The following SLC23A1 variants were observed in gnomAD, a reference collection of about 807,000 sequenced individuals.
SLC23A1 encodes solute carrier family 23 member 1, also known as Na(+)/L-ascorbic acid transporter 1.
Under a neutral mutation model 62.5 loss-of-function variants are expected in SLC23A1, and 31 were observed. The observed-to-expected ratio is 0.50, with a 90% CI of 0.37 to 0.67. The LOEUF (loss-of-function observed/expected upper bound fraction) is 0.67. SLC23A1 is among the 30% of genes least tolerant of loss of function. The probability of loss-of-function intolerance (pLI) is 0.00; values close to 1 mark genes in which losing one functional copy is unlikely to be tolerated. For missense variants in SLC23A1, 640 were observed against 782.7 expected (o/e 0.82, Z 2.18); for synonymous variants, 271 against 313.2 (o/e 0.87, Z 1.42).
intron 1 of SLC23A1, among the ~76,000 whole-genome samples, chr5:139,383,010 C>A (rs1758355811): frequency 6.6e-6 from 1 of 152,192 alleles, no homozygotes; most frequent in Non-Finnish European, 1.5e-5. Context: ...CTCCTGAACC[C>A]CAACCTGGAG....
At chr5:139,382,181 C>T (rs1227673493) in intron 2 of SLC23A1, 132 bp from the exon 3 acceptor site, 2 of 849,582 alleles carry the variant, frequency 2.4e-6, no homozygotes, top group African/African-American at 1.7e-5. Flanking sequence ...GCAGTCCCCA[C>T]AAGGGATTCC....
At position 139,369,884 on chromosome 5, in the gene SLC23A1, C is replaced by T. The variant is rs571374416; in HGVS notation, c.*19+2103G>A. On this transcript the variant is annotated intron_variant, in intron 14 of 14. Coordinates refer to ENST00000348729, the MANE Select transcript of SLC23A1 (RefSeq NM_005847.5). Reference sequence around the variant, plus strand: ...ATGCAAGTACCTTTCCAGAATATAGCAGTAGAATAACTCCATTGCCCATCC... The same window carrying T: ...ATGCAAGTACCTTTCCAGAATATAGTAGTAGAATAACTCCATTGCCCATCC... Among the ~76,000 whole-genome samples the T allele has an allele frequency of 5.9e-4, 90 of 152,222 alleles. No homozygotes were observed. In the Middle Eastern group the frequency reaches 0.01, roughly 17 times the overall value.
chr5:139,383,529 AG>A (rs1758392201), upstream of SLC23A1, among the ~76,000 whole-genome samples: 1 of 152,186 alleles, frequency 6.6e-6, no homozygotes, highest in Non-Finnish European at 1.5e-5. Context: ...AGAGAGGGCC[AG>A]AGTCGAGGGG....
Position 139,378,451 on chromosome 5 carries a change from T to TGGGGCTTGATGCG in SLC23A1, c.1180-113_1180-101dup. Reference sequence around the variant, plus strand: ...TTATAAGAGCGAGGCATAAACCGGCTGGGGCTTGATGCGGGGGCGAGGCCT... The same window carrying TGGGGCTTGATGCG: ...TTATAAGAGCGAGGCATAAACCGGCTGGGGCTTGATGCGGGGGCTTGATGCGGGGGCGAGGCCT... On this transcript the variant is annotated intron_variant, in intron 10 of 14. Coordinates refer to ENST00000348729, the MANE Select transcript of SLC23A1 (RefSeq NM_005847.5). This position sits in a 1 kb window ranked among gnomAD's most constrained non-coding sequence, Gnocchi z 4.5. The TGGGGCTTGATGCG allele has an allele frequency of 6.8e-7, 1 of 1,469,746 alleles. No homozygotes were observed. The highest frequency in any genetic ancestry group is 9.2e-7 in the Non-Finnish European group (1 of 1,082,456). 91.0% of individuals were successfully genotyped at this position (1,469,746 alleles called of 1,614,324 possible). A position where few individuals can be genotyped will look rare whatever the true frequency, so the allele number is the denominator to read the frequency against.
chr5:139,381,321 C>T (rs1286768841), intron 3 of SLC23A1, among the ~76,000 whole-genome samples: 1 of 152,202 alleles, frequency 6.6e-6, no homozygotes, highest in Non-Finnish European at 1.5e-5. Context: ...GGAGCTAGCT[C>T]AGGGCTGCCA....
chr5:139,372,079 G>A lies in SLC23A1; in HGVS notation c.1724C>T (p.Ser575Leu), dbSNP rs2152063871. The change falls in exon 14 of 15, where the codon TCA (serine) becomes TTA (leucine). Residue 575 changes from serine to leucine, a missense_variant. Ser to Leu is a moderately radical substitution (Grantham distance 145). Coordinates refer to ENST00000348729, the MANE Select transcript of SLC23A1 (RefSeq NM_005847.5). Reference sequence around the variant, plus strand: ...TTCTGGAATTGCAATCTGATCTTTTGAACTTGAAGAAAATCCTTTGAAGAC... The same window carrying A: ...TTCTGGAATTGCAATCTGATCTTTTAAACTTGAAGAAAATCCTTTGAAGAC... ...CPVFKGFSSS[S>L]KDQIAIPEDT... The A allele has an allele frequency of 6.2e-7, 1 of 1,612,626 alleles. No homozygotes were observed. Among genetic ancestry groups the A allele is most frequent in the Admixed American group, 1.7e-5 (1 of 60,008 alleles).
At position 139,367,228 on chromosome 5, in the gene SLC23A1, A is replaced by G. The variant is rs144815785; in HGVS notation, c.*423T>C. 1 of 152,340 alleles carries G rather than the reference A, an allele frequency of 6.6e-6. No individual in the cohort carries two copies. Among genetic ancestry groups the G allele is most frequent in the African/African-American group, 2.4e-5 (1 of 41,586 alleles). 9.4% of individuals were successfully genotyped at this position (152,340 alleles called of 1,614,324 possible). On this transcript the variant is annotated 3_prime_UTR_variant, in exon 15 of 15. Transcript: ENST00000348729. The stretch of plus-strand genomic sequence containing the variant: ...TTCAACATGATGTTTAATATTATGC[A>G]TTAGTCTTGAAGTGATGTAGGGTCA...
chr5:139,382,412 A>G lies in SLC23A1; in HGVS notation c.150+80T>C, dbSNP rs960292432. 3.2e-5 allele frequency: 25 copies of G among 779,902 alleles called. No individual in the cohort carries two copies. In the African/African-American group the frequency reaches 3.8e-4, roughly 12 times the overall value. 48.3% of individuals were successfully genotyped at this position (779,902 alleles called of 1,614,324 possible). ...CAGGTTTTTCTTCCTGTTACCCAAG[A>G]TACTCCCTGCTGGCCAGGGAGGGGC... On this transcript the variant is annotated intron_variant, in intron 2 of 14. Coordinates refer to ENST00000348729, the MANE Select transcript of SLC23A1 (RefSeq NM_005847.5).
upstream of SLC23A1, chr5:139,384,291 G>A (rs1758422096): frequency 1.8e-6 from 2 of 1,142,206 alleles, no homozygotes; most frequent in Non-Finnish European, 2.2e-6. Flanking sequence ...GGTGAGGGCT[G>A]GGCCTGAGGT....
chr5:139,374,994 A>G (rs1757877105), intron 13 of SLC23A1, among the ~76,000 whole-genome samples: 1 of 152,146 alleles, frequency 6.6e-6, no homozygotes, highest in African/African-American at 2.4e-5. Flanking sequence ...TGCTACCAAG[A>G]GCACCTTCCT....
At position 139,380,009 on chromosome 5, in the gene SLC23A1, G is replaced by A. The variant is rs758176650; in HGVS notation, c.715C>T (p.Arg239Cys). The A allele has an allele frequency of 1.1e-5, 18 of 1,613,934 alleles. No homozygotes were observed. The highest frequency in any genetic ancestry group is 1.7e-5 in the Admixed American group (1 of 59,982). Residue 239 changes from arginine to cysteine, a missense_variant, in exon 7 of 15, where the codon CGC becomes TGC. Arg to Cys is a radical substitution (Grantham distance 180). Coordinates refer to ENST00000348729, the MANE Select transcript of SLC23A1 (RefSeq NM_005847.5). The stretch of plus-strand genomic sequence containing the variant: ...AGGAGAGTGAGGCCCTTGCCCCAGC[G>A]GTAGACAGGCAGCAGGAAGGTGAGG... Reference protein sequence around the residue: ...RNLTFLLPVYRWGKGLTLLRI... With the variant: ...RNLTFLLPVYCWGKGLTLLRI...
intron 13 of SLC23A1, among the ~76,000 whole-genome samples, chr5:139,372,966 A>AG (rs1197480325): frequency 6.6e-6 from 1 of 152,198 alleles, no homozygotes; most frequent in Non-Finnish European, 1.5e-5. Flanking sequence ...AATGTGTGTT[A>AG]GGCCCATGGG....
chr5:139,384,522 G>A (rs747473548), upstream of SLC23A1: 1 of 1,289,630 alleles, frequency 7.8e-7, no homozygotes, highest in Non-Finnish European at 1.0e-6. Flanking sequence ...CTTGGCTACT[G>A]CTCCCAATTT....
chr5:139,381,839 T>C, intron 3 of SLC23A1, 53 bp downstream of exon 3: 2 of 1,405,078 alleles, frequency 1.4e-6, no homozygotes, highest in Non-Finnish European at 1.9e-6. Context: ...TCCTGCTGTG[T>C]GGATCACAGT....
rs1487097001 is a variant in SLC23A1 at position 139,380,650 on chromosome 5, G to A, written c.398-18C>T. The A allele has an allele frequency of 6.3e-7, 1 of 1,591,214 alleles. No homozygotes were observed. Among genetic ancestry groups the A allele is most frequent in the Admixed American group, 1.7e-5 (1 of 59,982 alleles). On this transcript the variant is annotated intron_variant, in intron 4 of 14. Coordinates refer to ENST00000348729, the MANE Select transcript of SLC23A1 (RefSeq NM_005847.5). The stretch of plus-strand genomic sequence containing the variant: ...GATCTCCTCTGGGGGTAGAGTCAGG[G>A]ATACACACACGGACCAGGTACAGAG...
Position 139,380,883 on chromosome 5 carries a change from C to T in SLC23A1, c.312G>A (p.Leu104=). The T allele has an allele frequency of 7.3e-7, 1 of 1,372,920 alleles. No individual in the cohort carries two copies. The highest frequency in any genetic ancestry group is 9.7e-7 in the Non-Finnish European group (1 of 1,031,490). 85.0% of individuals were successfully genotyped at this position (1,372,920 alleles called of 1,614,324 possible). A position where few individuals can be genotyped will look rare whatever the true frequency, so the allele number is the denominator to read the frequency against. ...TLIQTTVGIR[L]PLFQASAFAF... is the part of the protein sequence containing the mutation. ...CAAAGGCACTGGCCTGGAACAGCGG[C>T]AGCCTGGAGGAGAGGCACAAAGCAA... The change falls in exon 4 of 15, where the codon CTG becomes CTA. Residue 104 remains leucine (L), a synonymous_variant. Transcript: ENST00000348729.
chr5:139,383,218 C>T lies in SLC23A1; in HGVS notation c.36G>A (p.Gln12=). ...RAQEDLEGRT[Q]HETTRDPSTP... The stretch of plus-strand genomic sequence containing the variant: ...AGCCCCCACCCCCAGCCCCCAGCAC[C>T]TGTGTCCGGCCCTCGAGGTCCTCCT... The change falls in exon 1 of 15, where the codon CAG becomes CAA. Residue 12 remains glutamine (Q), a splice_region_variant and synonymous_variant. Coordinates refer to ENST00000348729, the MANE Select transcript of SLC23A1 (RefSeq NM_005847.5). The T allele has an allele frequency of 6.3e-7, 1 of 1,579,538 alleles. No individual in the cohort carries two copies. Among genetic ancestry groups the T allele is most frequent in the Non-Finnish European group, 8.6e-7 (1 of 1,159,306 alleles).
upstream of SLC23A1, chr5:139,384,274 C>T (rs962866723): frequency 9.3e-6 from 10 of 1,073,870 alleles, no homozygotes; most frequent in Non-Finnish European, 1.1e-5. Flanking sequence ...ACTCAGGCTC[C>T]TCAGCTGGTG....
intron 1 of SLC23A1, among the ~76,000 whole-genome samples, 166 bp downstream of exon 1, chr5:139,383,052 C>T (rs1041655637): frequency 3.9e-5 from 6 of 152,162 alleles, no homozygotes; most frequent in Non-Finnish European, 7.3e-5. Context: ...GGCTCCTTCA[C>T]CCCCACCTCC....
Sources: allele counts gnomAD v4.1 joint callset (sites outside exome capture counted in the v4.1 genomes callset), GRCh38; gene constraint gnomAD v4.1.1; non-coding constraint Gnocchi (gnomAD v3.1); transcripts MANE v1.5; gene names NCBI Gene and HGNC (gene_info 2026-07-23, HGNC 2026-07-21).